IHO1: variants seen among roughly 807,000 people sequenced by gnomAD.
IHO1 encodes the protein interactor of HORMAD1 1.
IHO1 carries 13 observed loss-of-function variants against 31.0 expected under a neutral mutation model. That is an observed-to-expected ratio of 0.42 (90% CI 0.27 to 0.67). The LOEUF (loss-of-function observed/expected upper bound fraction) is 0.67, where lower values mean the gene tolerates loss of function less well. IHO1 is among the 30% of genes least tolerant of loss of function. The pLI is 0.24. For synonymous variants in IHO1, 221 were observed against 248.4 expected (o/e 0.89, Z 1.04); for missense variants, 599 against 687.5 (o/e 0.87, Z 1.44).
intron 6 of IHO1, among the ~76,000 whole-genome samples, chr3:49,251,948 C>T (rs570526125): frequency 6.6e-6 from 1 of 152,116 alleles, no homozygotes; most frequent in Non-Finnish European, 1.5e-5. Context: ...TCTCCTGCCT[C>T]AGCCTCCCGA....
upstream of IHO1, among the ~76,000 whole-genome samples, chr3:49,196,212 CAGTA>C (rs567854614): frequency 5.4e-4 from 58 of 106,426 alleles, no homozygotes; most frequent in East Asian, 0.014. Context: ...GCCTGGGCGA[CAGTA>C]AGACTCCGTC....
At chr3:49,203,601 G>A (rs995879995) in intron 1 of IHO1, among the ~76,000 whole-genome samples, 4 of 152,064 alleles carry the variant, frequency 2.6e-5, no homozygotes, top group Non-Finnish European at 5.9e-5. Context: ...TAGGGTTGCC[G>A]CATTTAGCAA....
rs371759089 is a variant in IHO1 at position 49,244,724 on chromosome 3, G to A, written c.523G>A (p.Ala175Thr). ...TATTTTGGATTCTTTGGAGACTGTG[G>A]CCAAGACATGTGAGTGCCTCATGTT... ...QSILDSLETV[A>T]KTLQETIQAQ... The change falls in exon 6 of 8, where the codon GCC (alanine) becomes ACC (threonine). Residue 175 changes from alanine to threonine, a missense_variant. Coordinates refer to ENST00000452691, the MANE Select transcript of IHO1 (RefSeq NM_001135197.2). 6.2e-6 allele frequency: 10 copies of A among 1,613,908 alleles called. No homozygotes were observed. Among genetic ancestry groups the A allele is most frequent in the South Asian group, 1.1e-5 (1 of 91,086 alleles).
chr3:49,193,961 CAA>C (rs1243651891), upstream of IHO1, among the ~76,000 whole-genome samples: 15 of 104,848 alleles, frequency 1.4e-4, no homozygotes, highest in East Asian at 2.8e-4. Flanking sequence ...GAATCCATCT[CAA>C]AAAAAAAAAA....
chr3:49,244,784 A>G (rs2046674858), intron 6 of IHO1, 51 bp downstream of exon 6: 1 of 1,501,292 alleles, frequency 6.7e-7, no homozygotes, highest in East Asian at 2.3e-5. Context: ...TGAATGATGA[A>G]CATGAACTTT....
chr3:49,205,609 T>C (rs897311814), intron 1 of IHO1, among the ~76,000 whole-genome samples: 1 of 151,714 alleles, frequency 6.6e-6, no homozygotes, highest in Admixed American at 6.6e-5. Flanking sequence ...TTTTTTTTTT[T>C]TTTGAGACAG....
chr3:49,211,175 T>C (rs71324939), intron 1 of IHO1, among the ~76,000 whole-genome samples: 15,066 of 148,802 alleles, frequency 0.1, 827 homozygotes, highest in Middle Eastern at 0.12. Context: ...GCCTGGCTAA[T>C]TTTTTGTATT....
chr3:49,252,523 A>G (rs2046772544), intron 6 of IHO1, among the ~76,000 whole-genome samples: 1 of 152,130 alleles, frequency 6.6e-6, no homozygotes, highest in African/African-American at 2.4e-5. Context: ...GGATCAAGCA[A>G]TTCTCCCACC....
chr3:49,234,031 C>A (rs1168243400), intron 2 of IHO1, among the ~76,000 whole-genome samples: 3 of 152,064 alleles, frequency 2.0e-5, no homozygotes, highest in Non-Finnish European at 4.4e-5. Flanking sequence ...TAATGCTTAT[C>A]ACTGGCTTGT....
chr3:49,199,961 T>C (rs12629759), intron 1 of IHO1: 91,474 of 152,010 alleles, frequency 0.6, 28,897 homozygotes, highest in East Asian at 0.95. Flanking sequence ...GTGAGGCCTC[T>C]GGAAAGACAT....
chr3:49,222,506 A>G (rs1459204224), intron 2 of IHO1, among the ~76,000 whole-genome samples: 1 of 152,186 alleles, frequency 6.6e-6, no homozygotes, highest in Admixed American at 6.5e-5. Flanking sequence ...AGGAAGGAAG[A>G]TAGAAAAAAG....
At chr3:49,209,187 G>A (rs1399394345) in intron 1 of IHO1, among the ~76,000 whole-genome samples, 3 of 152,196 alleles carry the variant, frequency 2.0e-5, no homozygotes, top group Non-Finnish European at 4.4e-5. Context: ...AACTGGAGTT[G>A]CTGGTTTCAT....
At chr3:49,238,990 G>T (rs965123475) in intron 3 of IHO1, among the ~76,000 whole-genome samples, 4 of 152,162 alleles carry the variant, frequency 2.6e-5, no homozygotes, top group Non-Finnish European at 5.9e-5. Context: ...AGTCAGCCCA[G>T]CAAGAGAAAA....
At chr3:49,249,790 A>C (rs961604411) in intron 6 of IHO1, among the ~76,000 whole-genome samples, 3 of 152,212 alleles carry the variant, frequency 2.0e-5, no homozygotes, top group Admixed American at 6.6e-5. Context: ...TCCCTAAAAA[A>C]GTTGGAGGTG....
chr3:49,230,591 GA>G (rs983081900), intron 2 of IHO1, among the ~76,000 whole-genome samples: 1 of 152,142 alleles, frequency 6.6e-6, no homozygotes, highest in Non-Finnish European at 1.5e-5. Context: ...TCATTATATG[GA>G]TGATATATTT....
chr3:49,212,033 G>A (rs780882816), intron 2 of IHO1, among the ~76,000 whole-genome samples, 197 bp downstream of exon 2: 8 of 152,076 alleles, frequency 5.3e-5, no homozygotes, highest in East Asian at 3.9e-4. Context: ...GCATGGTGGC[G>A]GGTGCCTATA....
chr3:49,210,522 G>A (rs1270721446), intron 1 of IHO1, among the ~76,000 whole-genome samples: 3 of 148,928 alleles, frequency 2.0e-5, no homozygotes, highest in Non-Finnish European at 4.5e-5. Flanking sequence ...TCAACCTCCT[G>A]AGTAGCTGGG....
the IHO1 span, among the ~76,000 whole-genome samples, chr3:49,191,368 T>C: frequency 6.6e-6 from 1 of 152,214 alleles, no homozygotes; most frequent in Non-Finnish European, 1.5e-5. Flanking sequence ...CTTCCAGGCG[T>C]GGGGCTGAGC....
upstream of IHO1, among the ~76,000 whole-genome samples, chr3:49,193,565 C>T (rs191312642): frequency 1.8e-4 from 25 of 142,306 alleles, no homozygotes; most frequent in African/African-American, 5.7e-4. Flanking sequence ...GGTGTGGTGG[C>T]GCCTGTAGTC....
Sources: gnomAD v4.1 joint callset for allele counts (sites outside exome capture counted in the v4.1 genomes callset) on GRCh38, gnomAD v4.1.1 for gene constraint, MANE v1.5 for transcripts, NCBI Gene and HGNC (gene_info 2026-07-23, HGNC 2026-07-21) for gene names.